DLGAP4: variants seen among roughly 807,000 people sequenced by gnomAD.
DLGAP4 encodes DLG associated protein 4.
DLGAP4 carries 18 observed loss-of-function variants against 86.9 expected under a neutral mutation model. The ratio of observed to expected loss-of-function variants is 0.21; its 90% CI spans 0.14 to 0.31. The LOEUF (loss-of-function observed/expected upper bound fraction) is 0.31, where lower values mean the gene tolerates loss of function less well. DLGAP4 is among the 10% of genes least tolerant of loss of function. The pLI is 1.00. For synonymous variants in DLGAP4, 548 were observed against 574.3 expected, an observed-to-expected ratio of 0.95 and a Z score of 0.65; for missense variants, 1,085 against 1,362.6, an observed-to-expected ratio of 0.80 and a Z score of 3.21.
chr20:36,420,312 C>A (rs746113753), intron 2 of DLGAP4, among the ~76,000 whole-genome samples: 3 of 152,180 alleles, frequency 2.0e-5, no homozygotes, highest in Non-Finnish European at 2.9e-5. Flanking sequence ...GAGGGGCTGG[C>A]AGACGAGGAG....
At chr20:36,394,851 C>T (rs1016605259) in intron 2 of DLGAP4, among the ~76,000 whole-genome samples, 2 of 152,138 alleles carry the variant, frequency 1.3e-5, no homozygotes, top group Non-Finnish European at 2.9e-5. Context: ...GTGGAGGCCA[C>T]GTGGAAAGAG....
At chr20:36,499,478 C>T (rs2036038529) in intron 8 of DLGAP4, 110 bp from the exon 9 acceptor site, 1 of 1,375,696 alleles carries the variant, frequency 7.3e-7, no homozygotes, top group African/African-American at 1.4e-5. Flanking sequence ...TGTCTGTCCA[C>T]ACGTCCGTTT....
intron 7 of DLGAP4, among the ~76,000 whole-genome samples, chr20:36,449,627 A>G (rs961884588): frequency 3.3e-5 from 5 of 152,204 alleles, no homozygotes; most frequent in African/African-American, 1.2e-4. Flanking sequence ...CATCCCCCAC[A>G]TCCTCACACC....
intron 7 of DLGAP4, among the ~76,000 whole-genome samples, chr20:36,464,989 T>C (rs994650586): frequency 6.6e-6 from 1 of 152,206 alleles, no homozygotes; most frequent in Non-Finnish European, 1.5e-5. Flanking sequence ...TTCAGTTTTC[T>C]TATCTGGACT....
intron 2 of DLGAP4, among the ~76,000 whole-genome samples, chr20:36,381,232 G>A (rs1039041015): frequency 6.6e-6 from 1 of 152,252 alleles, no homozygotes; most frequent in African/African-American, 2.4e-5. Flanking sequence ...TACTGCACAT[G>A]ACAGTGACAG....
At chr20:36,413,807 C>T (rs943258533) in intron 2 of DLGAP4, among the ~76,000 whole-genome samples, 2 of 152,178 alleles carry the variant, frequency 1.3e-5, no homozygotes, top group South Asian at 4.1e-4. Context: ...GAGGTTCATT[C>T]CTGCTGAGAC....
At chr20:36,505,161 G>A (rs1056375068) in intron 10 of DLGAP4, among the ~76,000 whole-genome samples, 1 of 151,826 alleles carries the variant, frequency 6.6e-6, no homozygotes, top group Admixed American at 6.6e-5. Context: ...CTAATTTTTT[G>A]TATTTTTAGT....
intron 1 of DLGAP4, among the ~76,000 whole-genome samples, chr20:36,348,645 C>T (rs1244601886): frequency 6.6e-6 from 1 of 151,964 alleles, no homozygotes; most frequent in African/African-American, 2.4e-5. Context: ...TCTTGAACTC[C>T]TGACCTTGTG....
At chr20:36,377,304 G>T (rs2031195129) in intron 2 of DLGAP4, among the ~76,000 whole-genome samples, 2 of 152,318 alleles carry the variant, frequency 1.3e-5, no homozygotes, top group South Asian at 4.1e-4. Context: ...GAGGATTTGT[G>T]ATTCAGCTGA....
chr20:36,341,089 G>A (rs1034952305), intron 1 of DLGAP4, among the ~76,000 whole-genome samples: 2 of 152,202 alleles, frequency 1.3e-5, no homozygotes, highest in African/African-American at 4.8e-5. Flanking sequence ...GGCCAGAGAG[G>A]GCACTTGCTT....
At chr20:36,511,706 C>T (rs1600688084) in intron 10 of DLGAP4, among the ~76,000 whole-genome samples, 2 of 151,912 alleles carry the variant, frequency 1.3e-5, no homozygotes, top group East Asian at 4.0e-4. Context: ...GAAACCCCAT[C>T]TCTACTAAAA....
chr20:36,477,166 G>A (rs573710024), intron 7 of DLGAP4, among the ~76,000 whole-genome samples: 26 of 149,694 alleles, frequency 1.7e-4, no homozygotes, highest in African/African-American at 3.2e-4. Flanking sequence ...GCACAATTTC[G>A]GCTCCCTGCA....
At chr20:36,347,751 A>G (rs2029993747) in intron 1 of DLGAP4, among the ~76,000 whole-genome samples, 1 of 150,478 alleles carries the variant, frequency 6.6e-6, no homozygotes, top group African/African-American at 2.5e-5. Flanking sequence ...ACTTGGGCCC[A>G]AAAGTTTGAG....
chr20:36,483,820 C>T (rs1490802738), intron 7 of DLGAP4, among the ~76,000 whole-genome samples: 4 of 152,244 alleles, frequency 2.6e-5, no homozygotes, highest in Non-Finnish European at 5.9e-5. Context: ...TCTGCACCAG[C>T]GGTCACCAGG....
At chr20:36,346,416 TC>T (rs1555892999) in intron 1 of DLGAP4, among the ~76,000 whole-genome samples, 1 of 152,182 alleles carries the variant, frequency 6.6e-6, no homozygotes, top group African/African-American at 2.4e-5. Flanking sequence ...AGAGGAACCA[TC>T]CGGGACACTC....
At chr20:36,524,672 G>A (rs1453189375) in intron 11 of DLGAP4, among the ~76,000 whole-genome samples, 1 of 152,194 alleles carries the variant, frequency 6.6e-6, no homozygotes, top group East Asian at 1.9e-4. Context: ...GGAGGCTGAG[G>A]CGGGTGGATC....
intron 7 of DLGAP4, among the ~76,000 whole-genome samples, chr20:36,470,966 G>A (rs981569112): frequency 7.2e-5 from 11 of 152,310 alleles, no homozygotes; most frequent in Non-Finnish European, 1.5e-4. Context: ...ATGCACGAGT[G>A]CATGTGTAGC....
chr20:36,510,003 T>G (rs1286642133), intron 10 of DLGAP4, among the ~76,000 whole-genome samples: 1 of 150,406 alleles, frequency 6.6e-6, no homozygotes, highest in Non-Finnish European at 1.5e-5. Context: ...ATTACAGGCA[T>G]GCGCCACCAC....
intron 10 of DLGAP4, among the ~76,000 whole-genome samples, chr20:36,521,827 A>G (rs2037396569): frequency 6.6e-6 from 1 of 152,200 alleles, no homozygotes. Context: ...TTCCCTGGCA[A>G]CAATTTCTGG....
Sources: allele counts gnomAD v4.1 joint callset (sites outside exome capture counted in the v4.1 genomes callset), GRCh38; gene constraint gnomAD v4.1.1; transcripts MANE v1.5; gene names NCBI Gene and HGNC (gene_info 2026-07-23, HGNC 2026-07-21).